Variants in RARB observed in about 807,000 individuals in gnomAD.
RARB encodes the protein HBV-activated protein.
RARB carries 17 observed loss-of-function variants against 51.9 expected under a neutral mutation model. The observed-to-expected ratio is 0.33, with a 90% CI of 0.22 to 0.49. The LOEUF (loss-of-function observed/expected upper bound fraction) is 0.49. RARB is among the 20% of genes least tolerant of loss of function. RARB has a pLI of 0.99. For synonymous variants in RARB, 215 were observed against 195.4 expected (o/e 1.10, Z -0.84); for missense variants, 369 against 550.8 (o/e 0.67, Z 3.30).
rs186166243 is a variant in RARB, at chr3:24,982,913, A to T, written c.-379-77212A>T. Among the ~76,000 whole-genome samples, 13 of 152,348 alleles carry T rather than the reference A, an allele frequency of 8.5e-5. No homozygotes were observed. In the East Asian group the frequency reaches 2.5e-3, roughly 29 times the overall value. On this transcript the variant is annotated intron_variant, in intron 2 of 11. Coordinates refer to the RARB transcript ENST00000383772. Reference sequence around the variant, plus strand: ...TGTCCTATGTCTTCATGACCTTTAAATGTCCTTCTGGAAATTAGCACAAGT... The same window carrying T: ...TGTCCTATGTCTTCATGACCTTTAATTGTCCTTCTGGAAATTAGCACAAGT...
chr3:24,935,322 C>T lies in RARB; in HGVS notation c.-380+76570C>T, dbSNP rs368111828. ...AAGAAAACAGTACTTAATTTATTTC[C>T]TTCCCTAGTATATGACCTCCAAAGG... is the stretch of plus-strand genomic sequence containing the variant. On this transcript the variant is annotated intron_variant, in intron 2 of 11. Transcript: ENST00000383772. Among the ~76,000 whole-genome samples the T allele has an allele frequency of 2.0e-4, 30 of 152,198 alleles. No individual in the cohort carries two copies. In the East Asian group the frequency reaches 5.0e-3, roughly 25 times the overall value.
intron 5 of RARB, among the ~76,000 whole-genome samples, chr3:25,334,450 G>A (rs1055744598): frequency 3.3e-5 from 5 of 152,134 alleles, no homozygotes; most frequent in African/African-American, 9.7e-5. Flanking sequence ...AACACCGCAT[G>A]TTCTCACTCA....
intron 2 of RARB, among the ~76,000 whole-genome samples, chr3:25,023,427 T>A (rs915621988): frequency 6.6e-6 from 1 of 152,182 alleles, no homozygotes; most frequent in African/African-American, 2.4e-5. Context: ...CTTTGTCCTT[T>A]ATTGATTAAA....
intron 3 of RARB, among the ~76,000 whole-genome samples, chr3:25,088,483 C>T (rs1166143249): frequency 3.3e-5 from 5 of 152,096 alleles, no homozygotes; most frequent in Non-Finnish European, 7.4e-5. Context: ...ATAGCCCTTG[C>T]TCCTCCTCTT....
intron 2 of RARB, among the ~76,000 whole-genome samples, chr3:24,921,955 T>C (rs1399430599): frequency 6.6e-6 from 1 of 152,164 alleles, no homozygotes; most frequent in Non-Finnish European, 1.5e-5. Flanking sequence ...CCAACATTGT[T>C]TCATCCCTCA....
intron 3 of RARB, among the ~76,000 whole-genome samples, chr3:25,127,617 G>C (rs1487834885): frequency 2.6e-5 from 4 of 151,974 alleles, no homozygotes; most frequent in Non-Finnish European, 4.4e-5. Context: ...TCCATGTTTA[G>C]TAAAGGGGAG....
rs186185908 is a variant in RARB, at chr3:25,127,842, A to T, written c.-327-4319A>T. On this transcript the variant is annotated intron_variant, in intron 3 of 11. Coordinates refer to the RARB transcript ENST00000383772. ...AGTTTAAAGGCCTAAAAATATATAT[A>T]CATATATTTTTACGAAGAGTAGTTC... 8.5e-4 allele frequency among the ~76,000 whole-genome samples: 129 copies of T among 152,274 alleles called. 1 individual carries two copies. Among genetic ancestry groups the T allele is most frequent in the Admixed American group, 2.2e-3 (33 of 15,278 alleles).
intron 3 of RARB, among the ~76,000 whole-genome samples, chr3:25,523,788 G>T (rs775156648): frequency 6.6e-6 from 1 of 152,110 alleles, no homozygotes; most frequent in East Asian, 1.9e-4. Context: ...GGAGCTAAAG[G>T]GGGAAAAAAT....
intron 2 of RARB, among the ~76,000 whole-genome samples, chr3:24,935,502 T>C (rs77384972): frequency 1.3e-5 from 2 of 152,146 alleles, no homozygotes; most frequent in Non-Finnish European, 2.9e-5. Flanking sequence ...CAGTAGTCTG[T>C]TATGATTTCA....
At chr3:24,840,339 G>A (rs1242080937) in intron 1 of RARB, among the ~76,000 whole-genome samples, 1 of 152,136 alleles carries the variant, frequency 6.6e-6, no homozygotes, top group Non-Finnish European at 1.5e-5. Flanking sequence ...AGGTATAAAG[G>A]CACAGAATAG....
chr3:25,450,600 CAGCACTATCTA>C (rs1462508991), intron 1 of RARB, among the ~76,000 whole-genome samples: 1 of 152,154 alleles, frequency 6.6e-6, no homozygotes, highest in African/African-American at 2.4e-5. Context: ...TTTTCAACCT[CAGCACTATCTA>C]TAATTGGGGC....
chr3:25,401,069 A>C lies in RARB; in HGVS notation c.179-60124A>C, dbSNP rs1707250431. Reference sequence around the variant, plus strand: ...AGAGGTTAAGAAGCCAAGCAAAAGAAAAGTTGCCAAAAAGCAGAATGGAGT... The same window carrying C: ...AGAGGTTAAGAAGCCAAGCAAAAGACAAGTTGCCAAAAAGCAGAATGGAGT... On this transcript the variant is annotated intron_variant, in intron 5 of 11. Coordinates refer to the RARB transcript ENST00000383772. Among the ~76,000 whole-genome samples, 4 of 152,250 alleles carry C rather than the reference A, an allele frequency of 2.6e-5. No individual in the cohort carries two copies. In the South Asian group the frequency reaches 6.2e-4, roughly 24 times the overall value.
intron 3 of RARB, among the ~76,000 whole-genome samples, chr3:25,534,190 A>T (rs185719476): frequency 6.6e-6 from 1 of 152,058 alleles, no homozygotes; most frequent in Non-Finnish European, 1.5e-5. Flanking sequence ...TTAGCTGAAA[A>T]CCCAGCTTCA....
chr3:25,421,887 T>A (rs944668507), intron 5 of RARB, among the ~76,000 whole-genome samples: 3 of 152,200 alleles, frequency 2.0e-5, no homozygotes, highest in Non-Finnish European at 4.4e-5. Context: ...GTCTAAACTC[T>A]GTGGCCCCAC....
chr3:25,296,777 T>C (rs530800963), intron 5 of RARB, among the ~76,000 whole-genome samples: 25 of 152,280 alleles, frequency 1.6e-4, no homozygotes, highest in East Asian at 5.8e-4. Context: ...TAGTTAGAAT[T>C]TGGAAGTCCC....
intron 2 of RARB, among the ~76,000 whole-genome samples, chr3:24,916,337 A>T (rs1695105455): frequency 6.6e-6 from 1 of 152,150 alleles, no homozygotes; most frequent in Non-Finnish European, 1.5e-5. Context: ...GGCCCCACAG[A>T]AGGGCATCAG....
At chr3:25,335,784 G>A (rs1285955988) in intron 5 of RARB, among the ~76,000 whole-genome samples, 2 of 152,170 alleles carry the variant, frequency 1.3e-5, no homozygotes, top group African/African-American at 2.4e-5. Flanking sequence ...TATGATCTCT[G>A]CTATATTCTC....
intron 2 of RARB, among the ~76,000 whole-genome samples, chr3:25,059,237 T>G (rs1698500701): frequency 6.6e-6 from 1 of 151,822 alleles, no homozygotes; most frequent in African/African-American, 2.4e-5. Context: ...TTATGTACAT[T>G]CGTTTCCAGT....
At chr3:25,036,635 C>T (rs932930523) in intron 2 of RARB, among the ~76,000 whole-genome samples, 1 of 152,100 alleles carries the variant, frequency 6.6e-6, no homozygotes, top group Non-Finnish European at 1.5e-5. Flanking sequence ...CAGAACTGGC[C>T]ACCTGGACCT....
Sources: gnomAD v4.1 joint callset for allele counts (sites outside exome capture counted in the v4.1 genomes callset) on GRCh38, gnomAD v4.1.1 for gene constraint, MANE v1.5 for transcripts, NCBI Gene and HGNC (gene_info 2026-07-23, HGNC 2026-07-21) for gene names.